The following STK3 variants were observed in gnomAD, a reference collection of about 807,000 sequenced individuals.
The protein encoded by STK3 is serine/threonine-protein kinase 3.
In STK3, 41 loss-of-function variants were observed where a neutral mutation model predicts 58.0. The ratio of observed to expected loss-of-function variants is 0.71; its 90% CI spans 0.55 to 0.92. The LOEUF is 0.92. STK3 is among the 40% of genes least tolerant of loss of function. STK3 has a pLI of 0.00. For missense variants in STK3, 479 were observed against 602.7 expected (o/e 0.79, Z 2.15); for synonymous variants, 170 against 191.0 (o/e 0.89, Z 0.91).
chr8:98,386,851 G>A (rs1265481121), intron 1 of STK3, among the ~76,000 whole-genome samples: 9 of 152,098 alleles, frequency 5.9e-5, no homozygotes, highest in African/African-American at 1.7e-4. Context: ...GTGGTGGTGC[G>A]CAAGGCTGAG....
intron 1 of STK3, chr8:98,782,466 C>T: frequency 3.7e-6 from 1 of 272,718 alleles, no homozygotes; most frequent in Admixed American, 3.9e-5. Flanking sequence ...GGAACACATC[C>T]ACCTGCTGAA....
rs142360723 is a variant in STK3 at position 98,910,282 on chromosome 8, A to T, written c.-78-26448T>A. 6.0e-3 allele frequency among the ~76,000 whole-genome samples: 913 copies of T among 152,280 alleles called. 13 individuals carry two copies. Among genetic ancestry groups the T allele is most frequent in the African/African-American group, 0.021 (871 of 41,568 alleles). Reference sequence around the variant, plus strand: ...ATAACCACTTATACTTTTTAAAGTAATTTTTTTAAACTTACTTTGAAAATG... The same window carrying T: ...ATAACCACTTATACTTTTTAAAGTATTTTTTTTAAACTTACTTTGAAAATG... On this transcript the variant is annotated intron_variant, in intron 1 of 1. Transcript: ENST00000519420.
chr8:98,353,643 T>C, the STK3 span, among the ~76,000 whole-genome samples: 1 of 152,226 alleles, frequency 6.6e-6, no homozygotes, highest in Non-Finnish European at 1.5e-5. Flanking sequence ...GTCTTAACCA[T>C]TTCAGATGAG....
chr8:98,866,925 C>A (rs1391395901), intron 3 of STK3, among the ~76,000 whole-genome samples: 2 of 152,084 alleles, frequency 1.3e-5, no homozygotes, highest in African/African-American at 4.8e-5. Context: ...GGACTTAATA[C>A]CTTCAGCTGA....
chr8:98,580,069 A>G (rs1194132449), intron 7 of STK3, among the ~76,000 whole-genome samples: 1 of 152,184 alleles, frequency 6.6e-6, no homozygotes, highest in East Asian at 1.9e-4. Context: ...AATTGTCCAA[A>G]GGAAGTGTAC....
chr8:98,467,548 ATGTGTGTGTGTG>A (rs61136775), intron 10 of STK3, among the ~76,000 whole-genome samples: 2 of 148,086 alleles, frequency 1.4e-5, no homozygotes, highest in Non-Finnish European at 3.0e-5. Flanking sequence ...TATTTAAAAA[ATGTGTGTGTGTG>A]TGTGTGTGTG....
chr8:98,562,587 T>C (rs1812133671), intron 8 of STK3, among the ~76,000 whole-genome samples: 1 of 151,766 alleles, frequency 6.6e-6, no homozygotes, highest in South Asian at 2.1e-4. Context: ...GTACAGTGTA[T>C]CATGTGTATC....
intron 6 of STK3, among the ~76,000 whole-genome samples, chr8:98,603,022 A>G (rs1277657310): frequency 2.6e-5 from 4 of 152,166 alleles, no homozygotes; most frequent in African/African-American, 9.7e-5. Context: ...TCCTTGAGGA[A>G]ATGACTAATT....
At chr8:98,357,776 C>T in the STK3 span, among the ~76,000 whole-genome samples, 2 of 152,170 alleles carry the variant, frequency 1.3e-5, no homozygotes, top group Non-Finnish European at 2.9e-5. Context: ...TGAGTGGGTC[C>T]AGCTGAATCT....
At chr8:98,375,647 A>C (rs6993882) in intron 2 of STK3, among the ~76,000 whole-genome samples, 1 of 151,880 alleles carries the variant, frequency 6.6e-6, no homozygotes, top group Non-Finnish European at 1.5e-5. Context: ...TGTCAATGGA[A>C]TCATGTACTA....
chr8:98,419,273 A>T (rs1192037733), intron 3 of STK3, among the ~76,000 whole-genome samples: 1 of 152,226 alleles, frequency 6.6e-6, no homozygotes, highest in African/African-American at 2.4e-5. Context: ...AGGCAGGATA[A>T]TCGCTTGAAC....
intron 6 of STK3, among the ~76,000 whole-genome samples, chr8:98,662,374 C>A (rs1822030062): frequency 1.3e-5 from 2 of 152,094 alleles, no homozygotes; most frequent in Admixed American, 1.3e-4. Context: ...AAAACTTTTA[C>A]AACCAGAAAA....
At chr8:98,597,474 A>C in intron 6 of STK3, 2 of 985,370 alleles carry the variant, frequency 2.0e-6, no homozygotes, top group Non-Finnish European at 2.4e-6. Context: ...TTACAAAACA[A>C]TAAACATCTT....
intron 1 of STK3, among the ~76,000 whole-genome samples, chr8:98,802,148 G>A (rs1308826567): frequency 3.3e-5 from 5 of 152,060 alleles, no homozygotes; most frequent in African/African-American, 1.2e-4. Flanking sequence ...CTCCAGCCTG[G>A]ACTACAGAGC....
downstream of STK3, among the ~76,000 whole-genome samples, chr8:98,452,469 T>C (rs1819240949): frequency 6.6e-6 from 1 of 152,200 alleles, no homozygotes; most frequent in Admixed American, 6.5e-5. Flanking sequence ...TCTGTAGAAA[T>C]GAGTCATCTA....
chr8:98,904,140 A>G (rs550138951), intron 1 of STK3, among the ~76,000 whole-genome samples: 80 of 152,296 alleles, frequency 5.3e-4, no homozygotes, highest in African/African-American at 1.7e-3. Flanking sequence ...ACAACCCCCA[A>G]TGGTCCTAGC....
chr8:98,643,714 A>G (rs1820196055), intron 6 of STK3, among the ~76,000 whole-genome samples: 1 of 152,234 alleles, frequency 6.6e-6, no homozygotes, highest in Admixed American at 6.5e-5. Context: ...TGTTGAATGA[A>G]TAAATGAACT....
chr8:98,728,414 G>C (rs1170789807), intron 4 of STK3, among the ~76,000 whole-genome samples: 1 of 151,930 alleles, frequency 6.6e-6, no homozygotes, highest in African/African-American at 2.4e-5. Context: ...CACATGTCTG[G>C]CAAGGAAAAA....
chr8:98,831,049 T>C (rs1368238657), intron 3 of STK3, among the ~76,000 whole-genome samples: 1 of 148,412 alleles, frequency 6.7e-6, no homozygotes, highest in Non-Finnish European at 1.5e-5. Flanking sequence ...CGAGATTAAA[T>C]ATACACTTTA....
Sources: allele counts gnomAD v4.1 joint callset (sites outside exome capture counted in the v4.1 genomes callset), GRCh38; gene constraint gnomAD v4.1.1; transcripts MANE v1.5; gene names NCBI Gene and HGNC (gene_info 2026-07-23, HGNC 2026-07-21).